BANK1: variants seen among roughly 807,000 people sequenced by gnomAD.
BANK1 encodes B cell scaffold protein with ankyrin repeats 1.
A neutral mutation model predicts 94.5 loss-of-function variants in BANK1; 95 were observed. The ratio of observed to expected loss-of-function variants is 1.00; its 90% CI spans 0.85 to 1.19. The LOEUF (loss-of-function observed/expected upper bound fraction) is 1.19. Among genes scored for constraint, BANK1 ranks in the 50% most tolerant of loss-of-function variants. The probability of loss-of-function intolerance (pLI) is 0.00; values close to 1 mark genes in which losing one functional copy is unlikely to be tolerated. For missense variants in BANK1, 987 were observed against 932.2 expected, an observed-to-expected ratio of 1.06 and a Z score of -0.77; for synonymous variants, 334 against 308.4, an observed-to-expected ratio of 1.08 and a Z score of -0.87.
At chr4:102,012,755 G>A (rs896056496) in intron 7 of BANK1, among the ~76,000 whole-genome samples, 2 of 151,772 alleles carry the variant, frequency 1.3e-5, no homozygotes, top group African/African-American at 4.8e-5. Context: ...TACTCAGCTT[G>A]TTTTTGTTTG....
intron 7 of BANK1, among the ~76,000 whole-genome samples, chr4:102,005,729 A>G (rs886933005): frequency 6.6e-6 from 1 of 152,072 alleles, no homozygotes; most frequent in Non-Finnish European, 1.5e-5. Context: ...ATATTAATGC[A>G]TTCACTCATG....
intron 1 of BANK1, among the ~76,000 whole-genome samples, chr4:101,814,739 G>A (rs879558939): frequency 6.6e-5 from 10 of 152,000 alleles, no homozygotes; most frequent in Admixed American, 1.3e-4. Context: ...TGGCTTTAAC[G>A]TTTTTGTTTA....
intron 1 of BANK1, among the ~76,000 whole-genome samples, chr4:101,804,481 G>A (rs965313621): frequency 2.6e-5 from 4 of 152,040 alleles, no homozygotes; most frequent in African/African-American, 9.7e-5. Context: ...GGGACTCATG[G>A]GAAGTACCAC....
intron 7 of BANK1, among the ~76,000 whole-genome samples, chr4:101,949,854 C>T (rs927682191): frequency 6.6e-6 from 1 of 152,108 alleles, no homozygotes; most frequent in Non-Finnish European, 1.5e-5. Context: ...TCAATAAGTA[C>T]ATGTCACTTA....
At chr4:101,844,975 G>C (rs1232107611) in intron 2 of BANK1, among the ~76,000 whole-genome samples, 1 of 152,112 alleles carries the variant, frequency 6.6e-6, no homozygotes, top group Non-Finnish European at 1.5e-5. Flanking sequence ...TCTCAAAGGT[G>C]AGTAGACTCA....
At chr4:101,802,647 A>G (rs944054695) in intron 1 of BANK1, among the ~76,000 whole-genome samples, 5 of 152,232 alleles carry the variant, frequency 3.3e-5, no homozygotes, top group African/African-American at 1.2e-4. Context: ...TGCAGAAATG[A>G]TCTAATGGCT....
intron 13 of BANK1, among the ~76,000 whole-genome samples, chr4:102,065,449 G>A (rs1393274429): frequency 1.3e-5 from 2 of 152,016 alleles, no homozygotes; most frequent in South Asian, 2.1e-4. Flanking sequence ...CTACTAAAAC[G>A]AGAACTACCG....
intron 12 of BANK1, chr4:102,062,841 T>C (rs1428900729): frequency 4.3e-6 from 2 of 462,194 alleles, no homozygotes; most frequent in South Asian, 2.7e-5. Context: ...TACCTCTCTG[T>C]ACCTCAGTTT....
chr4:101,987,694 G>C (rs1471918268), intron 7 of BANK1, among the ~76,000 whole-genome samples: 1 of 152,100 alleles, frequency 6.6e-6, no homozygotes, highest in Non-Finnish European at 1.5e-5. Flanking sequence ...ATTAAAAAAA[G>C]AGCAGAAATC....
chr4:101,821,102 G>A (rs146849466), intron 1 of BANK1, among the ~76,000 whole-genome samples: 103 of 152,148 alleles, frequency 6.8e-4, no homozygotes, highest in Middle Eastern at 6.8e-3. Context: ...CGACAGCCTC[G>A]CCAGCATCTG....
chr4:101,810,659 G>C (rs1725707925), intron 1 of BANK1, among the ~76,000 whole-genome samples: 1 of 152,060 alleles, frequency 6.6e-6, no homozygotes, highest in Non-Finnish European at 1.5e-5. Context: ...ACAATCAGTG[G>C]TTTTATCAAT....
intron 2 of BANK1, among the ~76,000 whole-genome samples, chr4:101,843,005 T>G (rs971494850): frequency 1.3e-5 from 2 of 152,242 alleles, no homozygotes; most frequent in African/African-American, 4.8e-5. Context: ...AGAAAGTTTT[T>G]CTGTCTGGAA....
intron 7 of BANK1, among the ~76,000 whole-genome samples, chr4:101,926,094 A>G (rs2148903302): frequency 6.6e-6 from 1 of 151,870 alleles, no homozygotes; most frequent in East Asian, 2.0e-4. Flanking sequence ...TGATTCTTGA[A>G]GATAGGAAAG....
At chr4:101,878,779 T>C (rs1432358406) in intron 5 of BANK1, among the ~76,000 whole-genome samples, 4 of 152,074 alleles carry the variant, frequency 2.6e-5, no homozygotes, top group African/African-American at 9.7e-5. Flanking sequence ...GGAGTAAAAT[T>C]AGAAATCAAT....
At chr4:102,071,348 G>C (rs1337597736) in intron 14 of BANK1, 44 bp downstream of exon 14, 5 of 1,574,922 alleles carry the variant, frequency 3.2e-6, no homozygotes, top group Admixed American at 1.7e-5. Context: ...CTAAAACAAA[G>C]TACAGAGTAA....
At chr4:101,908,194 G>T (rs1014235957) in intron 6 of BANK1, among the ~76,000 whole-genome samples, 1 of 152,128 alleles carries the variant, frequency 6.6e-6, no homozygotes, top group African/African-American at 2.4e-5. Flanking sequence ...CATGGTACTG[G>T]TACCAAAACA....
At chr4:101,898,414 AC>A (rs1722164034) in intron 6 of BANK1, among the ~76,000 whole-genome samples, 2 of 152,052 alleles carry the variant, frequency 1.3e-5, no homozygotes, top group Non-Finnish European at 2.9e-5. Context: ...AATTCAGCAA[AC>A]CATGAATCAG....
At chr4:102,052,455 T>C (rs1728084965) in intron 11 of BANK1, among the ~76,000 whole-genome samples, 1 of 152,216 alleles carries the variant, frequency 6.6e-6, no homozygotes, top group South Asian at 2.1e-4. Context: ...GAAAAGTTCA[T>C]AAACTAAAAC....
At position 102,018,819 on chromosome 4, in the gene BANK1, C is replaced by CTT. The variant is rs200697538; in HGVS notation, c.1207-2695_1207-2694insTT. Among the ~76,000 whole-genome samples the CTT allele has an allele frequency of 6.0e-4, 84 of 141,096 alleles. 4 individuals carry two copies. Among genetic ancestry groups the CTT allele is most frequent in the African/African-American group, 1.5e-3 (55 of 36,604 alleles). The allele number at this position is 141,096 out of a possible 152,430, so 92.6% of individuals were successfully genotyped here. The stretch of plus-strand genomic sequence containing the variant: ...ATCTATTTCTTTTCTTTCTTTCTTT[C>CTT]CTTTTTTTTTTTTTTTTGAGACAGA... On this transcript the variant is annotated intron_variant, in intron 7 of 16. Coordinates refer to ENST00000322953, the MANE Select transcript of BANK1 (RefSeq NM_017935.5).
Sources: allele counts gnomAD v4.1 joint callset (sites outside exome capture counted in the v4.1 genomes callset), GRCh38; gene constraint gnomAD v4.1.1; transcripts MANE v1.5; gene names NCBI Gene and HGNC (gene_info 2026-07-23, HGNC 2026-07-21).